ELFN1: variants seen among roughly 807,000 people sequenced by gnomAD.
ELFN1 encodes extracellular leucine rich repeat and fibronectin type III domain containing 1, also known as protein ELFN1.
A neutral mutation model predicts 7.6 loss-of-function variants in ELFN1; 6 were observed. The ratio of observed to expected loss-of-function variants is 0.79; its 90% CI spans 0.43 to 1.56. ELFN1 has a LOEUF of 1.56. ELFN1 is among the 40% of genes most tolerant of loss of function. The pLI is 0.01. For missense variants in ELFN1, 1,169 were observed against 1,232.2 expected (o/e 0.95, Z 0.77); for synonymous variants, 657 against 588.1 (o/e 1.12, Z -1.70).
chr7:1,680,202 C>G (rs965466157), intron 1 of ELFN1, among the ~76,000 whole-genome samples: 1 of 152,186 alleles, frequency 6.6e-6, no homozygotes, highest in Non-Finnish European at 1.5e-5. Context: ...CATTCTGACC[C>G]GGTCCGTGGG....
At chr7:1,714,839 C>A (rs1165472869) in intron 3 of ELFN1, among the ~76,000 whole-genome samples, 2 of 152,214 alleles carry the variant, frequency 1.3e-5, no homozygotes, top group Non-Finnish European at 2.9e-5. Context: ...CATGGTTGAA[C>A]CCCACGTGGG....
At chr7:1,727,477 GTGCCCCTGTGGTCAGTCCTGGGC>G (rs145204034) in intron 3 of ELFN1, among the ~76,000 whole-genome samples, 6,210 of 152,206 alleles carry the variant, frequency 0.041, 446 homozygotes, top group African/African-American at 0.14. Context: ...CAGTAGTGGG[GTGCCCCTGTGGTCAGTCCTGGGC>G]TGCCCTAGAA....
chr7:1,718,012 A>G (rs1285408232), intron 3 of ELFN1, among the ~76,000 whole-genome samples: 12 of 152,180 alleles, frequency 7.9e-5, no homozygotes, highest in Admixed American at 7.9e-4. Context: ...TCTCTTTCAC[A>G]AACAGCCAGA....
Position 1,745,954 on chromosome 7 carries a change from C to T in ELFN1, c.1358C>T (p.Ala453Val), listed in dbSNP as rs1780770403. Residue 453 changes from alanine (A) to valine (V), a missense_variant, in exon 4 of 4, where the codon GCC (alanine) becomes GTC (valine). This residue lies in a region of ELFN1 where 914 missense variants were observed against 872.6 expected (regional missense o/e 1.05). Coordinates refer to ENST00000424383, the MANE Select transcript of ELFN1 (RefSeq NM_001128636.4). Reference sequence around the variant, plus strand: ...CGCCAGGAGGAGAAGCACAAGAAGGCCGCCTCGGCAGCCGCAGCTGGCAGC... The same window carrying T: ...CGCCAGGAGGAGAAGCACAAGAAGGTCGCCTCGGCAGCCGCAGCTGGCAGC... ...RRRQEEKHKKAASAAAAGSLK... is the reference protein window; with the variant it reads ...RRRQEEKHKKVASAAAAGSLK... 8 of 1,548,970 alleles carry T rather than the reference C, an allele frequency of 5.2e-6. No individual in the cohort carries two copies. Among genetic ancestry groups the T allele is most frequent in the Non-Finnish European group, 7.0e-6 (8 of 1,146,460 alleles).
In ELFN1 at chr7:1,700,322, G is replaced by A. The variant is rs1000024525; in HGVS notation, c.-455-8769G>A. On this transcript the variant is annotated intron_variant, in intron 2 of 3. Coordinates refer to ENST00000424383, the MANE Select transcript of ELFN1 (RefSeq NM_001128636.4). ...CAGGGTGAAGACGTAGAATGCTGGCGGCCCTCAGAGGCTTCTGGCGCTTTC... is the reference window on the plus strand; with the variant it reads ...CAGGGTGAAGACGTAGAATGCTGGCAGCCCTCAGAGGCTTCTGGCGCTTTC... 3.9e-5 allele frequency among the ~76,000 whole-genome samples: 6 copies of A among 152,312 alleles called. No individual in the cohort carries two copies. In the South Asian group the frequency reaches 6.2e-4, roughly 16 times the overall value.
At position 1,740,755 on chromosome 7, in the gene ELFN1, C is replaced by T. The variant is rs536678037; in HGVS notation, c.-293-3549C>T. On this transcript the variant is annotated intron_variant, in intron 3 of 3. Coordinates refer to ENST00000424383, the MANE Select transcript of ELFN1 (RefSeq NM_001128636.4). This position sits in a 1 kb window ranked among gnomAD's most constrained non-coding sequence, Gnocchi z 5.0. ...CTGACAGGAGGCTGCACAGGGCTGA[C>T]TCACAGTGTGACTTCGGACAAGTCC... is the stretch of plus-strand genomic sequence containing the variant. 9.8e-4 allele frequency among the ~76,000 whole-genome samples: 149 copies of T among 152,324 alleles called. No individual in the cohort carries two copies. Among genetic ancestry groups the T allele is most frequent in the Non-Finnish European group, 1.6e-3 (112 of 68,010 alleles).
In ELFN1 at chr7:1,705,258, G is replaced by T. The variant is rs1473653093; in HGVS notation, c.-455-3833G>T. Among the ~76,000 whole-genome samples, 1 of 152,100 alleles carries T rather than the reference G, an allele frequency of 6.6e-6. No individual in the cohort carries two copies. The highest frequency in any genetic ancestry group is 6.5e-5 in the Admixed American group (1 of 15,280). On this transcript the variant is annotated intron_variant, in intron 2 of 3. Transcript: ENST00000424383. This position sits in a 1 kb window ranked among gnomAD's most constrained non-coding sequence, Gnocchi z 4.3. Reference sequence around the variant, plus strand: ...GGCTGGGCTGCTGGCATCAGCAGGCGCCCCTCCTCCCCACCTCGCTAAACA... The same window carrying T: ...GGCTGGGCTGCTGGCATCAGCAGGCTCCCCTCCTCCCCACCTCGCTAAACA...
chr7:1,744,616 G>A lies in ELFN1; in HGVS notation c.20G>A (p.Gly7Asp), dbSNP rs1013837355. 2 of 1,540,958 alleles carry A rather than the reference G, an allele frequency of 1.3e-6. No homozygotes were observed. Among genetic ancestry groups the A allele is most frequent in the Non-Finnish European group, 8.8e-7 (1 of 1,142,408 alleles). Residue 7 changes from glycine (G) to aspartate (D), a missense_variant, in exon 4 of 4, where the codon GGC becomes GAC. Physicochemically the swap from Gly to Asp is moderately conservative, Grantham distance 94. Transcript: ENST00000424383. ...GTCCCGATGGCCGGGCGTGGGTGGG[G>A]CGCGCTGTGGGTGTGCGTGGCGGCC... MAGRGWGALWVCVAAAT... is the reference protein window; with the variant it reads MAGRGWDALWVCVAAAT...
chr7:1,679,686 G>A (rs948216518), intron 1 of ELFN1, among the ~76,000 whole-genome samples: 4 of 152,222 alleles, frequency 2.6e-5, no homozygotes, highest in South Asian at 2.1e-4. Flanking sequence ...CCCACCAAGC[G>A]GGGTGGCATT....
At chr7:1,715,422 T>C (rs1779800825) in intron 3 of ELFN1, among the ~76,000 whole-genome samples, 1 of 152,162 alleles carries the variant, frequency 6.6e-6, no homozygotes, top group South Asian at 2.1e-4. Context: ...GCCTCCATCC[T>C]GTCTCCCCTC....
chr7:1,724,957 A>C (rs61659824), intron 3 of ELFN1, among the ~76,000 whole-genome samples: 2,522 of 152,312 alleles, frequency 0.017, 51 homozygotes, highest in African/African-American at 0.042. Context: ...GTGAGGTGCT[A>C]GCCCCCTCCC....
At chr7:1,669,605 G>A (rs945585643), upstream of ELFN1, among the ~76,000 whole-genome samples, 8 of 152,240 alleles carry the variant, frequency 5.3e-5, no homozygotes, top group African/African-American at 1.9e-4. Context: ...CGCACAGGCA[G>A]GTTGTCAGGG....
intron 2 of ELFN1, among the ~76,000 whole-genome samples, chr7:1,689,269 C>T (rs776663888): frequency 6.6e-5 from 10 of 152,350 alleles, no homozygotes; most frequent in South Asian, 4.1e-4. Flanking sequence ...TGTGCATGCT[C>T]ACGCATGTGT....
chr7:1,706,746 GC>G (rs1327719177), intron 2 of ELFN1, among the ~76,000 whole-genome samples: 1 of 152,226 alleles, frequency 6.6e-6, no homozygotes, highest in East Asian at 1.9e-4. Flanking sequence ...CACCCTCCAG[GC>G]CTGGCTGGCT....
At chr7:1,700,931 A>G (rs1242903325) in intron 2 of ELFN1, among the ~76,000 whole-genome samples, 1 of 152,152 alleles carries the variant, frequency 6.6e-6, no homozygotes, top group African/African-American at 2.4e-5. Flanking sequence ...ATCTCTGCTC[A>G]TTTTATGACT....
intron 1 of ELFN1, among the ~76,000 whole-genome samples, chr7:1,681,432 G>A (rs1778973736): frequency 6.6e-6 from 1 of 151,948 alleles, no homozygotes; most frequent in South Asian, 2.1e-4. Context: ...GCTTAATCTT[G>A]GCTCACTGCA....
In ELFN1 at chr7:1,705,785, G is replaced by A. The variant is rs539887733; in HGVS notation, c.-455-3306G>A. On this transcript the variant is annotated intron_variant, in intron 2 of 3. Transcript: ENST00000424383. This position sits in a 1 kb window ranked among gnomAD's most constrained non-coding sequence, Gnocchi z 4.3. Reference sequence around the variant, plus strand: ...CTGTAAAGTAGAGTCTTAGTGTCCCGGGATGGTCCTCGGGGAGGTCTGATG... The same window carrying A: ...CTGTAAAGTAGAGTCTTAGTGTCCCAGGATGGTCCTCGGGGAGGTCTGATG... Among the ~76,000 whole-genome samples the A allele has an allele frequency of 2.8e-4, 43 of 152,312 alleles. No individual in the cohort carries two copies. Among genetic ancestry groups the A allele is most frequent in the Admixed American group, 1.2e-3 (18 of 15,310 alleles).
chr7:1,735,921 A>G lies in ELFN1; in HGVS notation c.-293-8383A>G, dbSNP rs1780428516. The stretch of plus-strand genomic sequence containing the variant: ...TTTGACAGATGAGGGGACTGAGGCT[A>G]AGAGAGGTTAAGTGACATGCCCAAG... On this transcript the variant is annotated intron_variant, in intron 3 of 3. Transcript: ENST00000424383. The surrounding 1 kb of genome is among the most constrained non-coding windows in gnomAD (Gnocchi z 5.9). 6.6e-6 allele frequency among the ~76,000 whole-genome samples: 1 copy of G among 152,066 alleles called. No individual in the cohort carries two copies. The highest frequency in any genetic ancestry group is 6.6e-5 in the Admixed American group (1 of 15,254).
Position 1,746,179 on chromosome 7 carries a change from T to C in ELFN1, c.1583T>C (p.Val528Ala). ...PKASKGSYME[V>A]RTGDPPERRD... Reference sequence around the variant, plus strand: ...GCCAGCAAGGGCAGCTACATGGAGGTTCGAACCGGGGACCCTCCGGAACGC... The same window carrying C: ...GCCAGCAAGGGCAGCTACATGGAGGCTCGAACCGGGGACCCTCCGGAACGC... Residue 528 changes from valine (V) to alanine (A), a missense_variant, in exon 4 of 4, where the codon GTT becomes GCT. Val to Ala is a moderately conservative substitution (Grantham distance 64, BLOSUM62 0). This residue lies in a region of ELFN1 where 914 missense variants were observed against 872.6 expected (regional missense o/e 1.05). Coordinates refer to ENST00000424383, the MANE Select transcript of ELFN1 (RefSeq NM_001128636.4). 6.5e-7 allele frequency: 1 copy of C among 1,549,568 alleles called. No individual in the cohort carries two copies. The highest frequency in any genetic ancestry group is 8.7e-7 in the Non-Finnish European group (1 of 1,146,932).
Sources: allele counts gnomAD v4.1 joint callset (sites outside exome capture counted in the v4.1 genomes callset), GRCh38; gene constraint gnomAD v4.1.1; regional missense constraint gnomAD v4.1.1; non-coding constraint Gnocchi (gnomAD v3.1); transcripts MANE v1.5; gene names NCBI Gene and HGNC (gene_info 2026-07-23, HGNC 2026-07-21).